The following PDE9A variants were observed in gnomAD, a reference collection of about 807,000 sequenced individuals.
PDE9A encodes the protein high affinity cGMP-specific 3',5'-cyclic phosphodiesterase 9A.
PDE9A carries 60 observed loss-of-function variants against 87.4 expected under a neutral mutation model. That is an observed-to-expected ratio of 0.69 (90% CI 0.56 to 0.85). The LOEUF (loss-of-function observed/expected upper bound fraction) is 0.85. Ranked by LOEUF, PDE9A falls within the 40% of genes least tolerant of loss-of-function variation. The pLI, the probability that PDE9A is intolerant of heterozygous loss-of-function variation, is 0.00. For missense variants in PDE9A, 665 were observed against 779.0 expected, an observed-to-expected ratio of 0.85 and a Z score of 1.74; for synonymous variants, 272 against 279.4, an observed-to-expected ratio of 0.97 and a Z score of 0.27.
rs568741980 is a variant in PDE9A at position 42,696,557 on chromosome 21, G to C, written c.219-2411G>C. ...CTCCACCCACTGCACCATTTCCAGGGCTGCTCTCATGGTGGGAGCCGGAGA... is the reference window on the plus strand; with the variant it reads ...CTCCACCCACTGCACCATTTCCAGGCCTGCTCTCATGGTGGGAGCCGGAGA... On this transcript the variant is annotated intron_variant, in intron 3 of 19. Transcript: ENST00000291539. The surrounding 1 kb of genome is among the most constrained non-coding windows in gnomAD (Gnocchi z 5.1). 5.9e-4 allele frequency among the ~76,000 whole-genome samples: 90 copies of C among 152,206 alleles called. No individual in the cohort carries two copies. Among genetic ancestry groups the C allele is most frequent in the Admixed American group, 9.8e-4 (15 of 15,300 alleles).
At chr21:42,769,246 G>A (rs1461869132) in intron 17 of PDE9A, 91 bp downstream of exon 17, 76 of 1,217,480 alleles carry the variant, frequency 6.2e-5, no homozygotes, top group Middle Eastern at 3.9e-4. Flanking sequence ...TATGCACACA[G>A]GTACACACAG....
At chr21:42,698,759 A>G (rs1458395258) in intron 3 of PDE9A, among the ~76,000 whole-genome samples, 1 of 152,226 alleles carries the variant, frequency 6.6e-6, no homozygotes, top group Non-Finnish European at 1.5e-5. Flanking sequence ...AACATTATAG[A>G]GGAAGGTGAT....
At chr21:42,754,638 T>C (rs1480055174) in intron 10 of PDE9A, among the ~76,000 whole-genome samples, 1 of 152,218 alleles carries the variant, frequency 6.6e-6, no homozygotes, top group East Asian at 1.9e-4. Flanking sequence ...AATCTCACCC[T>C]GAATTGTCAT....
intron 3 of PDE9A, among the ~76,000 whole-genome samples, chr21:42,691,638 A>G (rs1396390271): frequency 6.6e-6 from 1 of 151,736 alleles, no homozygotes; most frequent in Non-Finnish European, 1.5e-5. Flanking sequence ...CATCATCCAG[A>G]GTCACCCAGA....
chr21:42,670,167 TCA>T (rs2058333209), intron 1 of PDE9A, among the ~76,000 whole-genome samples: 1 of 146,324 alleles, frequency 6.8e-6, no homozygotes, highest in Non-Finnish European at 1.5e-5. Flanking sequence ...GCACACACAT[TCA>T]CACGCACACA....
At chr21:42,742,093 A>G (rs2053339076) in intron 7 of PDE9A, among the ~76,000 whole-genome samples, 1 of 152,138 alleles carries the variant, frequency 6.6e-6, no homozygotes, top group Non-Finnish European at 1.5e-5. Flanking sequence ...CCAAGGGTAA[A>G]TATCTTGAAG....
intron 7 of PDE9A, among the ~76,000 whole-genome samples, chr21:42,741,927 C>T (rs768250830): frequency 5.3e-5 from 8 of 152,088 alleles, no homozygotes; most frequent in African/African-American, 9.7e-5. Context: ...AGAGTGGTAT[C>T]GTGGGAGTAT....
intron 7 of PDE9A, among the ~76,000 whole-genome samples, chr21:42,737,655 G>A (rs1443234610): frequency 1.3e-5 from 2 of 152,042 alleles, no homozygotes; most frequent in Non-Finnish European, 2.9e-5. Context: ...ATGGGGTTCC[G>A]CCATGTTGGC....
intron 4 of PDE9A, among the ~76,000 whole-genome samples, chr21:42,707,014 C>G (rs2048898945): frequency 6.6e-6 from 1 of 152,114 alleles, no homozygotes; most frequent in Non-Finnish European, 1.5e-5. Context: ...GTGGCTACGT[C>G]ACGTTTGGTT....
chr21:42,661,656 C>T (rs752305337), intron 1 of PDE9A, among the ~76,000 whole-genome samples: 4 of 152,194 alleles, frequency 2.6e-5, no homozygotes, highest in Non-Finnish European at 5.9e-5. Flanking sequence ...ATGAAACTGC[C>T]TGATATTTTT....
At position 42,723,750 on chromosome 21, in the gene PDE9A, C is replaced by T. The variant is rs933601368; in HGVS notation, c.263-8020C>T. On this transcript the variant is annotated intron_variant, in intron 4 of 19. Coordinates refer to ENST00000291539, the MANE Select transcript of PDE9A (RefSeq NM_002606.3). This position sits in a 1 kb window ranked among gnomAD's most constrained non-coding sequence, Gnocchi z 4.3. Reference sequence around the variant, plus strand: ...GAGTTAATGCTGACTCCCCCTCCCTCGGGGGCTTATTTGCAATCTCCCGAT... The same window carrying T: ...GAGTTAATGCTGACTCCCCCTCCCTTGGGGGCTTATTTGCAATCTCCCGAT... Among the ~76,000 whole-genome samples the T allele has an allele frequency of 1.3e-5, 2 of 152,144 alleles. No homozygotes were observed.
At chr21:42,689,805 CAG>C (rs2059689459) in intron 3 of PDE9A, 1 of 985,288 alleles carries the variant, frequency 1.0e-6, no homozygotes, top group Non-Finnish European at 1.2e-6. Flanking sequence ...GATAAAGAGA[CAG>C]AGACAGATGA....
chr21:42,740,755 G>GGATAGATAGATTA (rs2053148508), intron 7 of PDE9A, among the ~76,000 whole-genome samples: 1 of 140,088 alleles, frequency 7.1e-6, no homozygotes, highest in African/African-American at 2.7e-5. Flanking sequence ...TAGATAAACA[G>GGATAGATAGATTA]GATAGATAGA....
At chr21:42,669,576 G>A (rs1051084811) in intron 1 of PDE9A, among the ~76,000 whole-genome samples, 2 of 152,168 alleles carry the variant, frequency 1.3e-5, no homozygotes, top group South Asian at 2.1e-4. Context: ...GAGCCTCGGC[G>A]TCAAAATGAC....
At position 42,722,697 on chromosome 21, in the gene PDE9A, C is replaced by CG. The variant is rs2050653540; in HGVS notation, c.263-9071dup. Among the ~76,000 whole-genome samples, 2 of 152,196 alleles carry CG rather than the reference C, an allele frequency of 1.3e-5. No individual in the cohort carries two copies. The highest frequency in any genetic ancestry group is 6.5e-5 in the Admixed American group (1 of 15,280). ...CCCATCAGCTCAGGTGCGTGGAGGA[C>CG]GGAAGAACTGCTGTTGCTGCTAGTA... On this transcript the variant is annotated intron_variant, in intron 4 of 19. Transcript: ENST00000291539. This position sits in a 1 kb window ranked among gnomAD's most constrained non-coding sequence, Gnocchi z 4.1.
Position 42,704,215 on chromosome 21 carries a change from C to T in PDE9A, c.262+5204C>T, listed in dbSNP as rs1399806093. Among the ~76,000 whole-genome samples the T allele has an allele frequency of 6.6e-6, 1 of 152,194 alleles. No individual in the cohort carries two copies. Among genetic ancestry groups the T allele is most frequent in the Non-Finnish European group, 1.5e-5 (1 of 68,028 alleles). ...TCCGGGCCAGCCGAGGAGCGCTGCGCTTATTCCGCAGTGAGGAGTCGCTGG... is the reference window on the plus strand; with the variant it reads ...TCCGGGCCAGCCGAGGAGCGCTGCGTTTATTCCGCAGTGAGGAGTCGCTGG... On this transcript the variant is annotated intron_variant, in intron 4 of 19. Coordinates refer to ENST00000291539, the MANE Select transcript of PDE9A (RefSeq NM_002606.3). This position sits in a 1 kb window ranked among gnomAD's most constrained non-coding sequence, Gnocchi z 5.3.
At chr21:42,748,555 C>T (rs976768102) in intron 8 of PDE9A, among the ~76,000 whole-genome samples, 1 of 152,214 alleles carries the variant, frequency 6.6e-6, no homozygotes, top group Non-Finnish European at 1.5e-5. Context: ...GAAAATAGCA[C>T]AGGCTCATTG....
intron 3 of PDE9A, among the ~76,000 whole-genome samples, chr21:42,698,253 G>T (rs2060249069): frequency 6.6e-6 from 1 of 152,170 alleles, no homozygotes; most frequent in African/African-American, 2.4e-5. Flanking sequence ...CTCTTACCAG[G>T]TTTCCAAATG....
chr21:42,685,115 G>A (rs909529366), intron 1 of PDE9A, among the ~76,000 whole-genome samples: 1 of 152,240 alleles, frequency 6.6e-6, no homozygotes, highest in Non-Finnish European at 1.5e-5. Context: ...ACTGTCCAGG[G>A]AGGCATCCTC....
Sources: gnomAD v4.1 joint callset for allele counts (sites outside exome capture counted in the v4.1 genomes callset) on GRCh38, gnomAD v4.1.1 for gene constraint, Gnocchi (gnomAD v3.1) non-coding constraint, MANE v1.5 for transcripts, NCBI Gene and HGNC (gene_info 2026-07-23, HGNC 2026-07-21) for gene names.